Variants in C8orf34 observed in about 807,000 individuals in gnomAD.
C8orf34 encodes uncharacterized protein C8orf34.
Under a neutral mutation model 68.3 loss-of-function variants are expected in C8orf34, and 65 were observed. The ratio of observed to expected loss-of-function variants is 0.95; its 90% CI spans 0.78 to 1.17. C8orf34 has a LOEUF of 1.17. Among genes scored for constraint, C8orf34 ranks in the 50% most tolerant of loss-of-function variants. The pLI, the probability that C8orf34 is intolerant of heterozygous loss-of-function variation, is 0.00. For missense variants in C8orf34, 664 were observed against 655.4 expected, an observed-to-expected ratio of 1.01 and a Z score of -0.14; for synonymous variants, 244 against 241.2, an observed-to-expected ratio of 1.01 and a Z score of -0.11.
At chr8:68,474,778 C>T (rs1217887468) in intron 4 of C8orf34, among the ~76,000 whole-genome samples, 1 of 152,190 alleles carries the variant, frequency 6.6e-6, no homozygotes, top group Non-Finnish European at 1.5e-5. Context: ...GATCATGGGG[C>T]AGGTTTCTAA....
chr8:68,591,726 A>G (rs1412467915), intron 7 of C8orf34, among the ~76,000 whole-genome samples: 4 of 152,222 alleles, frequency 2.6e-5, no homozygotes, highest in African/African-American at 9.6e-5. Flanking sequence ...AACTGCTCTT[A>G]CATGACATGT....
chr8:68,418,595 A>G (rs1809788408), intron 1 of C8orf34, among the ~76,000 whole-genome samples: 1 of 152,222 alleles, frequency 6.6e-6, no homozygotes, highest in African/African-American at 2.4e-5. Flanking sequence ...GCTGGATTAC[A>G]GTAACCAAAA....
chr8:68,609,884 G>C (rs953245796), intron 7 of C8orf34, among the ~76,000 whole-genome samples: 2 of 152,094 alleles, frequency 1.3e-5, no homozygotes, highest in African/African-American at 4.8e-5. Context: ...AACAAAGCCA[G>C]GCAAGTGGAG....
At chr8:68,400,833 G>T (rs574182758) in intron 1 of C8orf34, among the ~76,000 whole-genome samples, 1 of 152,262 alleles carries the variant, frequency 6.6e-6, no homozygotes, top group South Asian at 2.1e-4. Context: ...TTTTTGCTTA[G>T]GATTGCTTTG....
chr8:68,479,395 CAG>C (rs1812759768), intron 4 of C8orf34, among the ~76,000 whole-genome samples: 1 of 120,494 alleles, frequency 8.3e-6, no homozygotes, highest in Non-Finnish European at 1.7e-5. Flanking sequence ...CAGAGAGACA[CAG>C]AGAAACAGTG....
intron 7 of C8orf34, among the ~76,000 whole-genome samples, chr8:68,593,441 C>G (rs937045251): frequency 6.6e-6 from 1 of 151,792 alleles, no homozygotes; most frequent in African/African-American, 2.4e-5. Flanking sequence ...CAAAATATGC[C>G]GGGTCCATCT....
chr8:68,641,028 G>C lies in C8orf34; in HGVS notation c.1241+517G>C, dbSNP rs541845342. ...GCCAAAGAAGTAGCTTGTAGTTACT[G>C]CCAAGTCAGCTCCCAGTGCTGGTCT... On this transcript the variant is annotated intron_variant, in intron 8 of 13. Coordinates refer to ENST00000518698, the MANE Select transcript of C8orf34 (RefSeq NM_052958.4). Among the ~76,000 whole-genome samples the C allele has an allele frequency of 7.9e-5, 12 of 152,332 alleles. 1 individual carries two copies. The South Asian group carries it at 2.5e-3, about 32-fold the overall frequency.
intron 1 of C8orf34, among the ~76,000 whole-genome samples, chr8:68,432,662 T>C (rs1278013130): frequency 6.6e-6 from 1 of 152,094 alleles, no homozygotes; most frequent in Non-Finnish European, 1.5e-5. Context: ...GGGAATAAGA[T>C]AAGTAGATTT....
At chr8:68,390,970 C>T (rs959949052) in intron 1 of C8orf34, among the ~76,000 whole-genome samples, 2 of 152,104 alleles carry the variant, frequency 1.3e-5, no homozygotes, top group Non-Finnish European at 2.9e-5. Flanking sequence ...TGATGCCCAC[C>T]TGCAGTATTA....
intron 4 of C8orf34, among the ~76,000 whole-genome samples, chr8:68,480,193 G>A (rs1022712946): frequency 3.3e-5 from 5 of 152,264 alleles, no homozygotes; most frequent in Middle Eastern, 6.8e-3. Flanking sequence ...AGCTTTTCCT[G>A]TGCTATTCTC....
intron 12 of C8orf34, among the ~76,000 whole-genome samples, chr8:68,809,349 T>G (rs1377535574): frequency 1.3e-5 from 2 of 152,238 alleles, no homozygotes; most frequent in Non-Finnish European, 2.9e-5. Context: ...TTTATGCCTC[T>G]GATACAATTT....
At chr8:68,709,427 T>C (rs1821269507) in intron 9 of C8orf34, among the ~76,000 whole-genome samples, 1 of 152,190 alleles carries the variant, frequency 6.6e-6, no homozygotes, top group African/African-American at 2.4e-5. Context: ...ATGGAACTGT[T>C]TCTCTGCCCC....
intron 1 of C8orf34, among the ~76,000 whole-genome samples, chr8:68,433,652 C>A (rs1234058828): frequency 6.6e-6 from 1 of 152,170 alleles, no homozygotes; most frequent in African/African-American, 2.4e-5. Flanking sequence ...ACCTTAGAGG[C>A]TCAGTACACG....
At chr8:68,437,611 C>T (rs1441467300) in intron 1 of C8orf34, among the ~76,000 whole-genome samples, 1 of 152,078 alleles carries the variant, frequency 6.6e-6, no homozygotes, top group Non-Finnish European at 1.5e-5. Context: ...TTTACAATTA[C>T]CTTCACAACA....
chr8:68,732,863 G>A (rs542475274), intron 10 of C8orf34, among the ~76,000 whole-genome samples: 4 of 152,166 alleles, frequency 2.6e-5, no homozygotes, highest in African/African-American at 7.2e-5. Context: ...AGGAGTTTGC[G>A]ATCAGCCTGG....
At chr8:68,812,961 G>C (rs79539606) in intron 12 of C8orf34, among the ~76,000 whole-genome samples, 117 of 152,286 alleles carry the variant, frequency 7.7e-4, no homozygotes, top group African/African-American at 2.7e-3. Context: ...TTCTTCTGTA[G>C]TAATCATAGT....
intron 1 of C8orf34, among the ~76,000 whole-genome samples, chr8:68,361,667 C>T (rs1450600319): frequency 1.3e-5 from 2 of 152,214 alleles, no homozygotes; most frequent in Non-Finnish European, 2.9e-5. Context: ...TGTTACTTAA[C>T]TACTTTCTGG....
At chr8:68,661,071 A>G (rs1275240895) in intron 8 of C8orf34, among the ~76,000 whole-genome samples, 1 of 152,064 alleles carries the variant, frequency 6.6e-6, no homozygotes, top group Non-Finnish European at 1.5e-5. Flanking sequence ...GTGCGAGGAG[A>G]CAGTGAGCGA....
intron 12 of C8orf34, among the ~76,000 whole-genome samples, chr8:68,793,086 A>G (rs1824059877): frequency 6.6e-6 from 1 of 152,192 alleles, no homozygotes; most frequent in Non-Finnish European, 1.5e-5. Flanking sequence ...AAAATTTTCC[A>G]GAATTAATGG....
Sources: gnomAD v4.1 joint callset for allele counts (sites outside exome capture counted in the v4.1 genomes callset) on GRCh38, gnomAD v4.1.1 for gene constraint, MANE v1.5 for transcripts, NCBI Gene and HGNC (gene_info 2026-07-23, HGNC 2026-07-21) for gene names.